Variants in GSTO1 observed in about 807,000 individuals in gnomAD.
GSTO1 encodes glutathione S-transferase omega 1.
A neutral mutation model predicts 23.8 loss-of-function variants in GSTO1; 27 were observed. The observed-to-expected ratio is 1.13, with a 90% CI of 0.83 to 1.56. The LOEUF (loss-of-function observed/expected upper bound fraction) is 1.56, where lower values mean the gene tolerates loss of function less well. Among genes scored for constraint, GSTO1 ranks in the 40% most tolerant of loss-of-function variants. The probability of loss-of-function intolerance (pLI) is 0.00; values close to 1 mark genes in which losing one functional copy is unlikely to be tolerated. For synonymous variants in GSTO1, 105 were observed against 109.3 expected (o/e 0.96, Z 0.25); for missense variants, 255 against 285.8 (o/e 0.89, Z 0.78).
intron 3 of GSTO1, among the ~76,000 whole-genome samples, chr10:104,261,202 C>A (rs1249332376): frequency 6.6e-6 from 1 of 152,108 alleles, no homozygotes; most frequent in Non-Finnish European, 1.5e-5. Context: ...AAAAGTAAAG[C>A]TTTTAGACAT....
In GSTO1 at chr10:104,255,287, G is replaced by A. The variant is rs748552809; in HGVS notation, c.143+16G>A. 2.6e-6 allele frequency: 4 copies of A among 1,558,312 alleles called. No homozygotes were observed. The highest frequency in any genetic ancestry group is 3.5e-6 in the Non-Finnish European group (4 of 1,129,442). Reference sequence around the variant, plus strand: ...AGGGAATCAGGTGGGCACCCAGGCGGGGGACGCTCCCCGAGCCGTCCGGGA... The same window carrying A: ...AGGGAATCAGGTGGGCACCCAGGCGAGGGACGCTCCCCGAGCCGTCCGGGA... On this transcript the variant is annotated intron_variant, in intron 2 of 5. Coordinates refer to ENST00000369713, the MANE Select transcript of GSTO1 (RefSeq NM_004832.3).
chr10:104,257,381 C>T (rs903991054), intron 2 of GSTO1, among the ~76,000 whole-genome samples: 3 of 149,780 alleles, frequency 2.0e-5, no homozygotes, highest in African/African-American at 7.4e-5. Flanking sequence ...CGCCCTGTCA[C>T]CCAGGCTGGA....
intron 2 of GSTO1, among the ~76,000 whole-genome samples, chr10:104,257,867 T>C (rs1189566987): frequency 6.6e-6 from 1 of 152,238 alleles, no homozygotes; most frequent in East Asian, 1.9e-4. Context: ...CATTCATTTA[T>C]ATGAAATATT....
chr10:104,267,077 G>T (rs961987069), intron 5 of GSTO1, among the ~76,000 whole-genome samples, 175 bp from the exon 6 acceptor site: 5 of 152,056 alleles, frequency 3.3e-5, no homozygotes, highest in Non-Finnish European at 1.5e-5. Context: ...GTAAAAAAGG[G>T]ACCTCTATAG....
chr10:104,256,434 G>T (rs2091603267), intron 2 of GSTO1, among the ~76,000 whole-genome samples: 1 of 152,128 alleles, frequency 6.6e-6, no homozygotes, highest in Non-Finnish European at 1.5e-5. Flanking sequence ...CTTCACCCTG[G>T]ACCTTTAGTT....
At chr10:104,267,228 T>C in intron 5 of GSTO1, 24 bp from the exon 6 acceptor site, 1 of 1,581,264 alleles carries the variant, frequency 6.3e-7, no homozygotes, top group South Asian at 1.1e-5. Context: ...AGCTCACACC[T>C]TTCATTTTTT....
At chr10:104,255,105 G>A (rs555839607) in intron 1 of GSTO1, 58 bp from the exon 2 acceptor site, 1 of 1,461,906 alleles carries the variant, frequency 6.8e-7, no homozygotes, top group African/African-American at 1.4e-5. Flanking sequence ...GGGGCGGTGG[G>A]ATACGGGGGG....
chr10:104,263,389 T>A (rs2011154773), intron 4 of GSTO1, among the ~76,000 whole-genome samples: 1 of 152,214 alleles, frequency 6.6e-6, no homozygotes, highest in South Asian at 2.1e-4. Flanking sequence ...CAGTTTTCCA[T>A]GCTTGTTTGC....
intron 3 of GSTO1, among the ~76,000 whole-genome samples, chr10:104,260,568 C>T (rs944731977): frequency 6.6e-6 from 1 of 152,182 alleles, no homozygotes; most frequent in African/African-American, 2.4e-5. Context: ...TGTAGAAGAA[C>T]TGTTTGTACC....
At chr10:104,265,536 C>A (rs2011172196) in intron 4 of GSTO1, among the ~76,000 whole-genome samples, 1 of 152,190 alleles carries the variant, frequency 6.6e-6, no homozygotes, top group Non-Finnish European at 1.5e-5. Context: ...TATGCATACT[C>A]TTAAAACATG....
In GSTO1 at chr10:104,255,300, G is replaced by A. The variant is rs764880585; in HGVS notation, c.143+29G>A. 5 of 1,474,874 alleles carry A rather than the reference G, an allele frequency of 3.4e-6. No homozygotes were observed. The South Asian group carries it at 4.5e-5, about 13-fold the overall frequency. The allele number at this position is 1,474,874 out of a possible 1,614,324, so 91.4% of individuals were successfully genotyped here. A position where few individuals can be genotyped will look rare whatever the true frequency, so the allele number is the denominator to read the frequency against. ...GGCACCCAGGCGGGGGACGCTCCCCGAGCCGTCCGGGAGCCTGCTGCAGGC... is the reference window on the plus strand; with the variant it reads ...GGCACCCAGGCGGGGGACGCTCCCCAAGCCGTCCGGGAGCCTGCTGCAGGC... On this transcript the variant is annotated intron_variant, in intron 2 of 5. Coordinates refer to ENST00000369713, the MANE Select transcript of GSTO1 (RefSeq NM_004832.3).
intron 2 of GSTO1, among the ~76,000 whole-genome samples, chr10:104,256,451 C>T (rs915486364): frequency 1.3e-5 from 2 of 152,180 alleles, no homozygotes; most frequent in African/African-American, 4.8e-5. Context: ...AGTTTGAAAA[C>T]AACCCTACCT....
intron 2 of GSTO1, among the ~76,000 whole-genome samples, chr10:104,255,531 G>T (rs562234931): frequency 6.6e-6 from 1 of 152,360 alleles, no homozygotes; most frequent in South Asian, 2.1e-4. Flanking sequence ...AGGCTCCAGT[G>T]ATGTTAGTGA....
chr10:104,255,157 C>A lies in GSTO1; in HGVS notation c.35-6C>A. The A allele has an allele frequency of 6.2e-7, 1 of 1,608,358 alleles. No homozygotes were observed. Among genetic ancestry groups the A allele is most frequent in the Non-Finnish European group, 8.5e-7 (1 of 1,175,142 alleles). On this transcript the variant is annotated splice_polypyrimidine_tract_variant and splice_region_variant and intron_variant, in intron 1 of 5. Transcript: ENST00000369713. Reference sequence around the variant, plus strand: ...GGCCGTAATCGCCTTCGCTTCTCCCCGGCAGGAAGCGCGCCCCCGGGGCCG... The same window carrying A: ...GGCCGTAATCGCCTTCGCTTCTCCCAGGCAGGAAGCGCGCCCCCGGGGCCG...
At chr10:104,262,837 G>A (rs977073460) in intron 3 of GSTO1, 142 bp from the exon 4 acceptor site, 4 of 498,718 alleles carry the variant, frequency 8.0e-6, no homozygotes, top group African/African-American at 7.8e-5. Context: ...CATTACCTCT[G>A]TGAGCGCAGG....
intron 5 of GSTO1, among the ~76,000 whole-genome samples, chr10:104,266,779 T>G (rs957808441): frequency 6.6e-6 from 1 of 152,008 alleles, no homozygotes; most frequent in Non-Finnish European, 1.5e-5. Flanking sequence ...TGTAAGGATG[T>G]TGTTGCGGGA....
intron 2 of GSTO1, among the ~76,000 whole-genome samples, chr10:104,255,477 A>G (rs973188421): frequency 6.6e-6 from 1 of 152,188 alleles, no homozygotes; most frequent in Non-Finnish European, 1.5e-5. Context: ...GGTCTAGGAC[A>G]CCTCATTTAG....
rs146640406 is a variant in GSTO1, at chr10:104,255,197, G to A, written c.69G>A (p.Ser23=). The A allele has an allele frequency of 1.9e-5, 30 of 1,613,892 alleles. No individual in the cohort carries two copies. The highest frequency in any genetic ancestry group is 2.5e-5 in the Non-Finnish European group (29 of 1,179,846). ...SAPPGPVPEG[S]IRIYSMRFCP... ...CCCCGGGGCCGGTCCCGGAGGGCTC[G>A]ATCCGCATCTACAGCATGAGGTTCT... Residue 23 remains serine (S), a synonymous_variant, in exon 2 of 6, where the codon TCG becomes TCA. Coordinates refer to ENST00000369713, the MANE Select transcript of GSTO1 (RefSeq NM_004832.3).
intron 2 of GSTO1, among the ~76,000 whole-genome samples, chr10:104,258,394 G>A (rs185592506): frequency 2.6e-5 from 4 of 152,284 alleles, no homozygotes; most frequent in African/African-American, 7.2e-5. Flanking sequence ...ATAAACACAT[G>A]AGACTACAGC....
Sources: gnomAD v4.1 joint callset for allele counts (sites outside exome capture counted in the v4.1 genomes callset) on GRCh38, gnomAD v4.1.1 for gene constraint, MANE v1.5 for transcripts, NCBI Gene and HGNC (gene_info 2026-07-23, HGNC 2026-07-21) for gene names.